The following TRAK1 variants were observed in gnomAD, a reference collection of about 807,000 sequenced individuals.
TRAK1 encodes trafficking kinesin-binding protein 1.
A neutral mutation model predicts 92.1 loss-of-function variants in TRAK1; 33 were observed. The ratio of observed to expected loss-of-function variants is 0.36; its 90% confidence interval spans 0.27 to 0.48. TRAK1 has a LOEUF of 0.48. Ranked by LOEUF, TRAK1 falls within the 20% of genes least tolerant of loss-of-function variation. The pLI, the probability that TRAK1 is intolerant of heterozygous loss-of-function variation, is 0.99. For synonymous variants in TRAK1, 521 were observed against 517.3 expected, an observed-to-expected ratio of 1.01 and a Z score of -0.10; for missense variants, 1,123 against 1,257.9, an observed-to-expected ratio of 0.89 and a Z score of 1.62.
At chr3:42,183,568 A>G (rs866885521) in intron 3 of TRAK1, among the ~76,000 whole-genome samples, 29 of 145,204 alleles carry the variant, frequency 2.0e-4, no homozygotes, top group Admixed American at 2.8e-4. Flanking sequence ...AAAAAAAAAA[A>G]AAAGAAAGAA....
At chr3:42,098,044 C>G (rs368531789) in intron 1 of TRAK1, among the ~76,000 whole-genome samples, 32 of 151,886 alleles carry the variant, frequency 2.1e-4, no homozygotes, top group African/African-American at 7.2e-4. Flanking sequence ...TCACCCTCTT[C>G]TCTCCTCCAT....
chr3:42,057,832 C>T (rs1212690066), intron 1 of TRAK1, among the ~76,000 whole-genome samples: 1 of 152,306 alleles, frequency 6.6e-6, no homozygotes, highest in Non-Finnish European at 1.5e-5. Context: ...CCCTGGTTCA[C>T]CTGACACGTG....
At chr3:42,113,580 A>C (rs982548698) in intron 1 of TRAK1, among the ~76,000 whole-genome samples, 7 of 151,834 alleles carry the variant, frequency 4.6e-5, no homozygotes, top group Admixed American at 2.6e-4. Context: ...CACTCGGCTG[A>C]TTTTTGTATT....
chr3:42,205,568 A>G (rs1708238676), intron 13 of TRAK1, among the ~76,000 whole-genome samples: 1 of 152,248 alleles, frequency 6.6e-6, no homozygotes, highest in African/African-American at 2.4e-5. Flanking sequence ...TATCTGTGTT[A>G]AAAAGACCAA....
chr3:42,149,379 G>T, intron 2 of TRAK1: 2 of 1,439,694 alleles, frequency 1.4e-6, no homozygotes, highest in Non-Finnish European at 1.8e-6. Context: ...TTACTGTTTT[G>T]GCTCCAGACT....
Position 42,049,387 on chromosome 3 carries a change from T to C in TRAK1, c.-519+35270T>C, listed in dbSNP as rs1448018371. Among the ~76,000 whole-genome samples, 3 of 152,054 alleles carry C rather than the reference T, an allele frequency of 2.0e-5. No individual in the cohort carries two copies. The East Asian group carries it at 5.8e-4, about 29-fold the overall frequency. ...AAATTTTGGGGTACTGGGTGGTACTTTTAAAATTCATTATGCCAGGCACTC... is the reference window on the plus strand; with the variant it reads ...AAATTTTGGGGTACTGGGTGGTACTCTTAAAATTCATTATGCCAGGCACTC... On this transcript the variant is annotated intron_variant, in intron 1 of 16. Transcript: ENST00000487159.
intron 1 of TRAK1, among the ~76,000 whole-genome samples, chr3:42,041,657 G>T (rs1432268805): frequency 1.3e-5 from 2 of 151,050 alleles, no homozygotes; most frequent in African/African-American, 4.9e-5. Flanking sequence ...AATAGGAGTC[G>T]TAAGAGTGGA....
chr3:42,103,124 A>G lies in TRAK1; in HGVS notation c.91+11564A>G, dbSNP rs1168765558. Among the ~76,000 whole-genome samples, 3 of 152,082 alleles carry G rather than the reference A, an allele frequency of 2.0e-5. No homozygotes were observed. The South Asian group carries it at 6.2e-4, about 32-fold the overall frequency. On this transcript the variant is annotated intron_variant, in intron 1 of 15. Transcript: ENST00000327628. ...CCCCCCGAAAAGCTCCTTTCCCTTT[A>G]GCAATCATCCCTCAGTCTCCTCGCA...
At chr3:42,205,851 G>C (rs1708268820) in intron 13 of TRAK1, among the ~76,000 whole-genome samples, 1 of 152,236 alleles carries the variant, frequency 6.6e-6, no homozygotes, top group Non-Finnish European at 1.5e-5. Flanking sequence ...AATGACCATA[G>C]TCATGTTTTC....
intron 1 of TRAK1, among the ~76,000 whole-genome samples, chr3:42,036,715 A>T (rs17219472): frequency 6.6e-6 from 1 of 152,076 alleles, no homozygotes; most frequent in Admixed American, 6.5e-5. Flanking sequence ...GTAACAGCCA[A>T]ATGCCTTTTA....
intron 1 of TRAK1, among the ~76,000 whole-genome samples, chr3:42,029,957 GAGA>G (rs751136622): frequency 9.0e-4 from 137 of 152,242 alleles, no homozygotes; most frequent in Middle Eastern, 6.8e-3. Context: ...GGATAGGTGG[GAGA>G]AGGAGAGTGG....
At chr3:42,124,623 G>C (rs1468085916) in intron 1 of TRAK1, among the ~76,000 whole-genome samples, 1 of 152,198 alleles carries the variant, frequency 6.6e-6, no homozygotes, top group Non-Finnish European at 1.5e-5. Flanking sequence ...ACAGGTGGTG[G>C]ATCAAGGGTA....
intron 1 of TRAK1, among the ~76,000 whole-genome samples, chr3:42,104,917 A>G (rs1707306927): frequency 6.6e-6 from 1 of 150,728 alleles, no homozygotes; most frequent in Non-Finnish European, 1.5e-5. Context: ...CTAAAGGAGG[A>G]TGTTCAAACC....
chr3:42,040,759 A>G (rs1008011951), intron 1 of TRAK1, among the ~76,000 whole-genome samples: 5 of 151,320 alleles, frequency 3.3e-5, no homozygotes, highest in African/African-American at 7.3e-5. Flanking sequence ...GCTCACTGCA[A>G]CCTCCACCTC....
chr3:42,178,196 G>A (rs983737006), intron 3 of TRAK1, among the ~76,000 whole-genome samples: 3 of 9,132 alleles, frequency 3.3e-4, no homozygotes, highest in African/African-American at 9.6e-4. Flanking sequence ...ATTCCAAGGC[G>A]GCCACCACTC....
At chr3:42,161,698 C>T (rs530780398) in intron 2 of TRAK1, among the ~76,000 whole-genome samples, 1 of 152,192 alleles carries the variant, frequency 6.6e-6, no homozygotes, top group African/African-American at 2.4e-5. Context: ...ACTTCCCCTC[C>T]AGGACAGCTG....
At chr3:42,219,786 G>GTTTTTTTT (rs397989334) in intron 15 of TRAK1, among the ~76,000 whole-genome samples, 190 bp downstream of exon 15, 4 of 63,496 alleles carry the variant, frequency 6.3e-5, no homozygotes, top group Non-Finnish European at 1.0e-4. Flanking sequence ...GTTGTTATGT[G>GTTTTTTTT]TTTTTTTTTT....
rs370814776 is a variant in TRAK1 at position 42,223,234 on chromosome 3, A to T, written c.2359A>T (p.Met787Leu). ...CCCCTCTACTCCGCCGAACTCGCCT[A>T]TGCAGACACCCACATCCTCCCCACC... The part of the protein sequence containing the change: ...VIPSTPPNSP[M>L]QTPTSSPPSF... The change falls in exon 16 of 16, where the codon ATG (methionine) becomes TTG (leucine). Residue 787 changes from methionine (M) to leucine (L), a missense_variant. This residue lies in a region of TRAK1 where 401 missense variants were observed against 438.9 expected (regional missense o/e 0.91). Coordinates refer to ENST00000327628, the MANE Select transcript of TRAK1 (RefSeq NM_001042646.3). The surrounding 1 kb of genome is among the most constrained non-coding windows in gnomAD (Gnocchi z 6.1). The T allele has an allele frequency of 6.2e-7, 1 of 1,614,174 alleles. No individual in the cohort carries two copies. The highest frequency in any genetic ancestry group is 1.1e-5 in the South Asian group (1 of 91,084).
chr3:42,173,058 A>C (rs1702765599), intron 2 of TRAK1, among the ~76,000 whole-genome samples: 1 of 152,128 alleles, frequency 6.6e-6, no homozygotes, highest in South Asian at 2.1e-4. Context: ...AGGTGGGAGA[A>C]TCGCTTGAAC....
Sources: allele counts gnomAD v4.1 joint callset (sites outside exome capture counted in the v4.1 genomes callset), GRCh38; gene constraint gnomAD v4.1.1; regional missense constraint gnomAD v4.1.1; non-coding constraint Gnocchi (gnomAD v3.1); transcripts MANE v1.5; gene names NCBI Gene and HGNC (gene_info 2026-07-23, HGNC 2026-07-21).